LZIC: variants seen among roughly 807,000 people sequenced by gnomAD.
The protein encoded by LZIC is protein LZIC.
A neutral mutation model predicts 25.4 loss-of-function variants in LZIC; 28 were observed. The ratio of observed to expected loss-of-function variants is 1.10; its 90% confidence interval spans 0.82 to 1.51. The LOEUF is 1.51. LZIC is among the 40% of genes most tolerant of loss of function. LZIC has a pLI of 0.00. For synonymous variants in LZIC, 65 were observed against 70.7 expected (o/e 0.92, Z 0.40); for missense variants, 170 against 211.1 (o/e 0.81, Z 1.21).
chr1:9,936,319 TTAG>T (rs1557441628), intron 3 of LZIC, among the ~76,000 whole-genome samples, 197 bp downstream of exon 3: 2 of 152,138 alleles, frequency 1.3e-5, no homozygotes, highest in African/African-American at 4.8e-5. Flanking sequence ...TCACATGCAC[TTAG>T]TAGTTAACTG....
intron 7 of LZIC, among the ~76,000 whole-genome samples, chr1:9,931,058 TAAAG>T (rs1000677210): frequency 2.8e-4 from 43 of 150,912 alleles, no homozygotes; most frequent in South Asian, 1.3e-3. Context: ...AAAAAAAAAA[TAAAG>T]AAAGAAGAAA....
Position 9,939,275 on chromosome 1 carries a change from C to T in LZIC, c.-8-2648G>A, listed in dbSNP as rs932263146. ...TGTGGTTTTGCCATATTGGCCAGGT[C>T]GGTCTTGAACTCCTGACCTCAAATG... is the stretch of plus-strand genomic sequence containing the variant. On this transcript the variant is annotated intron_variant, in intron 2 of 7. Transcript: ENST00000377223. Among the ~76,000 whole-genome samples, 7 of 151,176 alleles carry T rather than the reference C, an allele frequency of 4.6e-5. No individual in the cohort carries two copies. In the East Asian group the frequency reaches 1.2e-3, roughly 25 times the overall value.
At chr1:9,922,306 A>G, downstream of LZIC, 3 of 985,148 alleles carry the variant, frequency 3.0e-6, no homozygotes, top group Non-Finnish European at 3.6e-6. Context: ...GGACATCAAT[A>G]TTTTTGCTGG....
At chr1:9,936,706 G>C in intron 2 of LZIC, 79 bp from the exon 3 acceptor site, 1 of 942,874 alleles carries the variant, frequency 1.1e-6, no homozygotes, top group Non-Finnish European at 1.7e-6. Flanking sequence ...TTTTTGTAGA[G>C]ACAGAGTCTC....
In LZIC at chr1:9,930,049, A is replaced by G; in HGVS notation, c.*350T>C. ...GTGGGGATAAGTTGTAAGCAGAAAA[A>G]TATCATTACTTCACATCTTTTCGTT... is the stretch of plus-strand genomic sequence containing the variant. On this transcript the variant is annotated 3_prime_UTR_variant, in exon 8 of 8. Coordinates refer to ENST00000377223, the MANE Select transcript of LZIC (RefSeq NM_032368.5). The G allele has an allele frequency of 2.9e-6, 3 of 1,029,926 alleles. No individual in the cohort carries two copies. The highest frequency in any genetic ancestry group is 3.5e-6 in the Non-Finnish European group (3 of 856,388). 63.8% of individuals were successfully genotyped at this position (1,029,926 alleles called of 1,614,324 possible).
intron 4 of LZIC, 62 bp downstream of exon 4, chr1:9,935,426 TCAAA>T (rs1460412554): frequency 6.6e-7 from 1 of 1,519,710 alleles, no homozygotes; most frequent in African/African-American, 1.4e-5. Flanking sequence ...AGAATGCATC[TCAAA>T]CAAAAACAAG....
In LZIC at chr1:9,930,320, T is replaced by C. The variant is rs1640153453; in HGVS notation, c.*79A>G. On this transcript the variant is annotated 3_prime_UTR_variant, in exon 8 of 8. Coordinates refer to ENST00000377223, the MANE Select transcript of LZIC (RefSeq NM_032368.5). The stretch of plus-strand genomic sequence containing the variant: ...GCATTTCCAGAATCTCTTCATTTCT[T>C]TGCAATAACTGAAAACCCCAGAAGA... 6.4e-7 allele frequency: 1 copy of C among 1,574,434 alleles called. No individual in the cohort carries two copies. Among genetic ancestry groups the C allele is most frequent in the South Asian group, 1.2e-5 (1 of 84,722 alleles).
chr1:9,942,189 T>C (rs1315537665), intron 2 of LZIC, among the ~76,000 whole-genome samples: 1 of 152,206 alleles, frequency 6.6e-6, no homozygotes, highest in Admixed American at 6.5e-5. Context: ...AGTGATGGGA[T>C]TACAGGCGTG....
At chr1:9,922,329 G>T (rs61743470), downstream of LZIC, 87,114 of 984,128 alleles carry the variant, frequency 0.089, 4,373 homozygotes, top group African/African-American at 0.18. Context: ...TGTGAGTCTA[G>T]CAGGTAGTTC....
chr1:9,930,270 T>C lies in LZIC; in HGVS notation c.*129A>G. On this transcript the variant is annotated 3_prime_UTR_variant, in exon 8 of 8. Coordinates refer to ENST00000377223, the MANE Select transcript of LZIC (RefSeq NM_032368.5). Reference sequence around the variant, plus strand: ...AACACAAGCCATAAGTATATTTTTATGTCGCTTTTTCTTAGGTTATTGATG... The same window carrying C: ...AACACAAGCCATAAGTATATTTTTACGTCGCTTTTTCTTAGGTTATTGATG... 1 of 1,537,754 alleles carries C rather than the reference T, an allele frequency of 6.5e-7. No homozygotes were observed. Among genetic ancestry groups the C allele is most frequent in the Non-Finnish European group, 8.7e-7 (1 of 1,146,196 alleles).
At chr1:9,940,760 C>G (rs1440778775) in intron 2 of LZIC, among the ~76,000 whole-genome samples, 1 of 152,110 alleles carries the variant, frequency 6.6e-6, no homozygotes, top group Non-Finnish European at 1.5e-5. Flanking sequence ...TTAAAATTGG[C>G]ATAAGTCATC....
chr1:9,931,829 A>G, intron 7 of LZIC, 62 bp downstream of exon 7: 1 of 1,045,230 alleles, frequency 9.6e-7, no homozygotes, highest in Non-Finnish European at 1.4e-6. Flanking sequence ...ACTCTCCATC[A>G]GTTTGTATGT....
rs1295786793 is a variant in LZIC, at chr1:9,930,395, CAT to C, written c.*2_*3del. 2 of 1,613,560 alleles carry C rather than the reference CAT, an allele frequency of 1.2e-6. No individual in the cohort carries two copies. Among genetic ancestry groups the C allele is most frequent in the South Asian group, 2.2e-5 (2 of 91,020 alleles). ...TGATCAATGTTACAAGCTTCTGCACCATGTCATTTTTTTGTTTTTTCAACCTC... is the reference window on the plus strand; with the variant it reads ...TGATCAATGTTACAAGCTTCTGCACCGTCATTTTTTTGTTTTTTCAACCTC... On this transcript the variant is annotated 3_prime_UTR_variant, in exon 8 of 8. Coordinates refer to ENST00000377223, the MANE Select transcript of LZIC (RefSeq NM_032368.5).
At chr1:9,933,745 A>C (rs546634685) in intron 5 of LZIC, among the ~76,000 whole-genome samples, 1 of 152,098 alleles carries the variant, frequency 6.6e-6, no homozygotes, top group African/African-American at 2.4e-5. Context: ...GTCTCTATGA[A>C]AAATACAAAA....
intron 2 of LZIC, among the ~76,000 whole-genome samples, chr1:9,938,239 C>T (rs1255001406): frequency 1.3e-5 from 2 of 152,116 alleles, no homozygotes; most frequent in African/African-American, 4.8e-5. Flanking sequence ...ACAATCATAG[C>T]TCACTATAGC....
chr1:9,924,417 C>T (rs1385883523), downstream of LZIC, among the ~76,000 whole-genome samples: 2 of 152,064 alleles, frequency 1.3e-5, no homozygotes, highest in South Asian at 2.1e-4. Context: ...TGCAGTGGCG[C>T]GATCTCAGCT....
At position 9,935,645 on chromosome 1, in the gene LZIC, C is replaced by T; in HGVS notation, c.102-18G>A. On this transcript the variant is annotated intron_variant, in intron 3 of 7. Transcript: ENST00000377223. ...GTTCCTCTCTGAAATAGGTGAACAT[C>T]ATGATATGGAAAAATGAAGAGTTCC... 6.3e-7 allele frequency: 1 copy of T among 1,579,278 alleles called. No homozygotes were observed. Among genetic ancestry groups the T allele is most frequent in the Non-Finnish European group, 8.6e-7 (1 of 1,169,586 alleles).
In LZIC at chr1:9,929,518, C is replaced by T. The variant is rs1372644751; in HGVS notation, c.*881G>A. ...AAGAGTAGATAACAGCTGACAGTTA[C>T]CCCCCTCTGAGTGTGACAAGAGGTC... On this transcript the variant is annotated 3_prime_UTR_variant, in exon 8 of 8. Transcript: ENST00000377223. The T allele has an allele frequency of 2.0e-6, 2 of 983,182 alleles. No individual in the cohort carries two copies. The highest frequency in any genetic ancestry group is 2.3e-4 in the East Asian group (2 of 8,800). 60.9% of individuals were successfully genotyped at this position (983,182 alleles called of 1,614,324 possible). A position where few individuals can be genotyped will look rare whatever the true frequency, so the allele number is the denominator to read the frequency against.
intron 2 of LZIC, among the ~76,000 whole-genome samples, chr1:9,937,748 T>C (rs1640522130): frequency 6.7e-6 from 1 of 150,332 alleles, no homozygotes; most frequent in African/African-American, 2.5e-5. Context: ...CTCAGGAGGC[T>C]TAGGTGAGAG....
Sources: gnomAD v4.1 joint callset for allele counts (sites outside exome capture counted in the v4.1 genomes callset) on GRCh38, gnomAD v4.1.1 for gene constraint, MANE v1.5 for transcripts, NCBI Gene and HGNC (gene_info 2026-07-23, HGNC 2026-07-21) for gene names.